WDR70: variants seen among roughly 807,000 people sequenced by gnomAD.
WDR70 encodes WD repeat domain 70.
WDR70 carries 53 observed loss-of-function variants against 88.6 expected under a neutral mutation model. The ratio of observed to expected loss-of-function variants is 0.60; its 90% CI spans 0.48 to 0.75. The LOEUF is 0.75. Among genes scored for constraint, WDR70 ranks in the 30% least tolerant of loss-of-function variants. The pLI is 0.00. For missense variants in WDR70, 610 were observed against 823.2 expected (o/e 0.74, Z 3.17); for synonymous variants, 280 against 270.0 (o/e 1.04, Z -0.36).
intron 5 of WDR70, among the ~76,000 whole-genome samples, chr5:37,403,466 A>T (rs1248985614): frequency 6.6e-6 from 1 of 152,158 alleles, no homozygotes; most frequent in Admixed American, 6.5e-5. Context: ...TCACATTGCA[A>T]CTAATAGTAC....
At chr5:37,535,575 C>T (rs1372437879) in intron 9 of WDR70, among the ~76,000 whole-genome samples, 1 of 152,150 alleles carries the variant, frequency 6.6e-6, no homozygotes, top group Non-Finnish European at 1.5e-5. Context: ...TCTTGCTCCT[C>T]TCTGGAAGTA....
chr5:37,401,090 C>T (rs548790660), intron 5 of WDR70, among the ~76,000 whole-genome samples: 4 of 150,802 alleles, frequency 2.7e-5, no homozygotes, highest in Non-Finnish European at 5.9e-5. Flanking sequence ...CCTTGACCTC[C>T]TGGGCTTAAG....
chr5:37,501,959 AT>A (rs963671615), intron 8 of WDR70, among the ~76,000 whole-genome samples: 3 of 151,846 alleles, frequency 2.0e-5, no homozygotes, highest in African/African-American at 7.3e-5. Flanking sequence ...TTTAGGATTG[AT>A]TCTGTGAAAA....
intron 10 of WDR70, among the ~76,000 whole-genome samples, chr5:37,668,173 A>G (rs908218543): frequency 6.6e-6 from 1 of 152,204 alleles, no homozygotes; most frequent in Non-Finnish European, 1.5e-5. Context: ...TTGGTGATTT[A>G]GGTGATATCC....
intron 7 of WDR70, among the ~76,000 whole-genome samples, chr5:37,462,448 G>A (rs1581303731): frequency 6.6e-6 from 1 of 152,054 alleles, no homozygotes; most frequent in South Asian, 2.1e-4. Flanking sequence ...GACTACAGGC[G>A]CCTGCCATGA....
At chr5:37,527,052 T>C (rs559396698) in intron 9 of WDR70, among the ~76,000 whole-genome samples, 9 of 152,302 alleles carry the variant, frequency 5.9e-5, no homozygotes, top group African/African-American at 1.9e-4. Context: ...ATGGCCATAC[T>C]GCCCAAGGTA....
Position 37,396,567 on chromosome 5 carries a change from G to A in WDR70, c.489G>A (p.Glu163=). The A allele has an allele frequency of 6.2e-7, 1 of 1,607,538 alleles. No homozygotes were observed. Among genetic ancestry groups the A allele is most frequent in the Non-Finnish European group, 8.5e-7 (1 of 1,178,262 alleles). ...AAGAAGAAGAGGAAGAGGAGGAAGAGGAAGTAAGTATTTCAGTGGTAATTT... is the reference window on the plus strand; with the variant it reads ...AAGAAGAAGAGGAAGAGGAGGAAGAAGAAGTAAGTATTTCAGTGGTAATTT... ...AEEEEEEEEE[E]ENPVHKIPDS... The change falls in exon 5 of 18, where the codon GAG becomes GAA. Residue 163 remains glutamate (E), a synonymous_variant. Coordinates refer to ENST00000265107, the MANE Select transcript of WDR70 (RefSeq NM_018034.4).
At chr5:37,434,455 C>T (rs996685299) in intron 5 of WDR70, among the ~76,000 whole-genome samples, 1 of 152,142 alleles carries the variant, frequency 6.6e-6, no homozygotes, top group African/African-American at 2.4e-5. Context: ...GTGATTTCTG[C>T]GAGAAAATAG....
At chr5:37,500,716 CT>C (rs550821207) in intron 8 of WDR70, among the ~76,000 whole-genome samples, 91 of 63,276 alleles carry the variant, frequency 1.4e-3, no homozygotes, top group East Asian at 8.0e-3. Flanking sequence ...TATTTGTTGG[CT>C]TTTTTTTTTT....
At chr5:37,423,404 A>G (rs1257891956) in intron 5 of WDR70, among the ~76,000 whole-genome samples, 1 of 151,420 alleles carries the variant, frequency 6.6e-6, no homozygotes, top group Non-Finnish European at 1.5e-5. Flanking sequence ...GGGAAGAAAA[A>G]GGAAGAACAA....
chr5:37,692,000 A>G (rs1037202433), intron 10 of WDR70, among the ~76,000 whole-genome samples: 1 of 152,114 alleles, frequency 6.6e-6, no homozygotes, highest in Non-Finnish European at 1.5e-5. Context: ...TCAAATAGAC[A>G]CAATAAAAAA....
intron 8 of WDR70, among the ~76,000 whole-genome samples, chr5:37,494,110 C>T (rs1581335048): frequency 2.0e-5 from 3 of 152,226 alleles, no homozygotes; most frequent in African/African-American, 4.8e-5. Context: ...TGAGCCACCA[C>T]GTCTGGCTGG....
At chr5:37,599,845 A>G (rs1328658681) in intron 9 of WDR70, among the ~76,000 whole-genome samples, 1 of 151,996 alleles carries the variant, frequency 6.6e-6, no homozygotes. Flanking sequence ...GTGAGCCGAG[A>G]TCGTCCTGCT....
chr5:37,506,680 C>A (rs1278570629), intron 8 of WDR70: 5 of 791,412 alleles, frequency 6.3e-6, no homozygotes, highest in Non-Finnish European at 1.2e-5. Flanking sequence ...AATAAAACAT[C>A]ATCATCCCTG....
rs1747019535 is a variant in WDR70 at position 37,697,637 on chromosome 5, G to T, written c.1093-18G>T. ...AATTGAGGTGAGATATTAACACTTT[G>T]TTTGTCTTTGTGAATAGGTTCATCC... On this transcript the variant is annotated intron_variant, in intron 10 of 17. Coordinates refer to ENST00000265107, the MANE Select transcript of WDR70 (RefSeq NM_018034.4). The T allele has an allele frequency of 1.2e-6, 2 of 1,605,282 alleles. No individual in the cohort carries two copies. Among genetic ancestry groups the T allele is most frequent in the Non-Finnish European group, 1.7e-6 (2 of 1,172,232 alleles).
chr5:37,381,685 G>A lies in WDR70; in HGVS notation c.175G>A (p.Glu59Lys). The A allele has an allele frequency of 1.9e-6, 3 of 1,609,284 alleles. No individual in the cohort carries two copies. Among genetic ancestry groups the A allele is most frequent in the Non-Finnish European group, 1.7e-6 (2 of 1,176,740 alleles). The change falls in exon 3 of 18, where the codon GAA (glutamate) becomes AAA (lysine). Residue 59 changes from glutamate to lysine, a missense_variant and splice_region_variant. Glu to Lys is a moderately conservative substitution (Grantham distance 56). Transcript: ENST00000265107. ...TAVERSRKTL[E>K]AREKEEEMNR... ...TGTGGAAAGAAGTCGCAAAACACTG[G>A]GTAAGAAGCTCAGATATTTGTTCTT...
chr5:37,621,431 G>C (rs759860792), intron 10 of WDR70, among the ~76,000 whole-genome samples: 10 of 152,036 alleles, frequency 6.6e-5, no homozygotes, highest in Admixed American at 1.3e-4. Context: ...TTCATCACCC[G>C]ATAAAGACAC....
At chr5:37,383,128 T>TA (rs1396600775) in intron 3 of WDR70, among the ~76,000 whole-genome samples, 1 of 151,878 alleles carries the variant, frequency 6.6e-6, no homozygotes, top group East Asian at 1.9e-4. Flanking sequence ...AAATAAAAAA[T>TA]AAAACGTTGT....
At chr5:37,691,390 C>T (rs984145400) in intron 10 of WDR70, among the ~76,000 whole-genome samples, 4 of 152,168 alleles carry the variant, frequency 2.6e-5, no homozygotes, top group African/African-American at 4.8e-5. Context: ...CTCTCCATCC[C>T]GAATCAACAG....
Sources: allele counts gnomAD v4.1 joint callset (sites outside exome capture counted in the v4.1 genomes callset), GRCh38; gene constraint gnomAD v4.1.1; transcripts MANE v1.5; gene names NCBI Gene and HGNC (gene_info 2026-07-23, HGNC 2026-07-21).